Variants in AK6 observed in about 807,000 individuals in gnomAD.
AK6 encodes the protein adenylate kinase isoenzyme 6.
AK6 carries 24 observed loss-of-function variants against 23.7 expected under a neutral mutation model. The observed-to-expected ratio is 1.01, with a 90% confidence interval of 0.73 to 1.43. AK6 has a LOEUF of 1.43. Ranked by LOEUF, AK6 falls within the 40% of genes most tolerant of loss-of-function variation. The pLI is 0.00. For missense variants in AK6, 191 were observed against 199.1 expected (o/e 0.96, Z 0.24); for synonymous variants, 73 against 69.8 (o/e 1.05, Z -0.23).
At chr5:69,365,275 T>C in intron 2 of AK6, 1 of 1,614,210 alleles carries the variant, frequency 6.2e-7, no homozygotes, top group Non-Finnish European at 8.5e-7. Context: ...CTTGGTCTGC[T>C]AGTAACTGAA....
Position 69,366,589 on chromosome 5 carries a change from G to A in AK6, c.35C>T (p.Pro12Leu). The change falls in exon 2 of 5, where the codon CCA (proline) becomes CTA (leucine). Residue 12 changes from proline (P) to leucine (L), a missense_variant. Transcript: ENST00000380822. ...GCCTAGTGTGGTTTTTCCAACCCCTGGTGTACCTGTAAGACAAGCCACAGA... is the reference window on the plus strand; with the variant it reads ...GCCTAGTGTGGTTTTTCCAACCCCTAGTGTACCTGTAAGACAAGCCACAGA... ...LLPNILLTGT[P>L]GVGKTTLGKE... 6.2e-7 allele frequency: 1 copy of A among 1,612,560 alleles called. No homozygotes were observed. Among genetic ancestry groups the A allele is most frequent in the Non-Finnish European group, 8.5e-7 (1 of 1,178,800 alleles).
At chr5:69,369,414 G>C (rs559196957) in intron 1 of AK6, 49 bp downstream of exon 1, 2 of 1,599,032 alleles carry the variant, frequency 1.3e-6, no homozygotes, top group African/African-American at 1.4e-5. Flanking sequence ...AGAGCACTCT[G>C]CGCCCCCAGC....
rs558277243 is a variant in AK6, at chr5:69,357,182, G to A, written c.122-1229C>T. On this transcript the variant is annotated intron_variant, in intron 2 of 4. Transcript: ENST00000380822. ...GGGGGCAGTCTGATGGACACTGGAG[G>A]GCACAAAAGCAGTTGTAACTCCTTG... 2.6e-5 allele frequency among the ~76,000 whole-genome samples: 4 copies of A among 152,280 alleles called. No homozygotes were observed. In the South Asian group the frequency reaches 6.2e-4, roughly 24 times the overall value.
chr5:69,357,431 C>G (rs1193319487), intron 2 of AK6, among the ~76,000 whole-genome samples: 1 of 152,192 alleles, frequency 6.6e-6, no homozygotes, highest in Non-Finnish European at 1.5e-5. Flanking sequence ...AGGAATGATT[C>G]ATTTGAGTTT....
chr5:69,353,158 G>A (rs769987601), intron 4 of AK6, among the ~76,000 whole-genome samples: 4 of 152,072 alleles, frequency 2.6e-5, no homozygotes, highest in South Asian at 4.1e-4. Flanking sequence ...TCCACATCCT[G>A]TATGATTTCA....
chr5:69,359,555 T>A (rs892163875), intron 2 of AK6, among the ~76,000 whole-genome samples: 2 of 152,170 alleles, frequency 1.3e-5, no homozygotes, highest in African/African-American at 4.8e-5. Flanking sequence ...CCACAAAATT[T>A]TTTAAAGCTC....
intron 2 of AK6, among the ~76,000 whole-genome samples, chr5:69,361,282 C>T (rs1285329799): frequency 6.6e-6 from 1 of 151,948 alleles, no homozygotes; most frequent in Non-Finnish European, 1.5e-5. Context: ...CCACCACGCC[C>T]GGCTAATTTT....
Position 69,357,228 on chromosome 5 carries a change from G to C in AK6, c.122-1275C>G, listed in dbSNP as rs78144932. Among the ~76,000 whole-genome samples, 780 of 152,306 alleles carry C rather than the reference G, an allele frequency of 5.1e-3. 11 individuals carry two copies. The highest frequency in any genetic ancestry group is 0.025 in the East Asian group (129 of 5,180). On this transcript the variant is annotated intron_variant, in intron 2 of 4. Transcript: ENST00000380822. ...CCTTGTCTTGCCTGGAGGGTCTGTG[G>C]ACTGATTCTAGGCACATAAACCACC...
intron 2 of AK6, chr5:69,365,729 A>G (rs1762391876): frequency 6.5e-7 from 1 of 1,547,700 alleles, no homozygotes; most frequent in Non-Finnish European, 8.7e-7. Context: ...CCGTCTTGCC[A>G]GACTCCATGA....
At chr5:69,358,444 C>CT (rs1202896216) in intron 2 of AK6, among the ~76,000 whole-genome samples, 15 of 150,042 alleles carry the variant, frequency 1.0e-4, no homozygotes, top group Admixed American at 8.7e-4. Flanking sequence ...TCGCTTGAAC[C>CT]CGGGAGGAGG....
chr5:69,368,341 C>T (rs1738828513), intron 1 of AK6, among the ~76,000 whole-genome samples: 1 of 152,108 alleles, frequency 6.6e-6, no homozygotes, highest in African/African-American at 2.4e-5. Context: ...TAAACTTAAG[C>T]ATAAAGATAA....
At chr5:69,359,078 C>G (rs890993502) in intron 2 of AK6, among the ~76,000 whole-genome samples, 1 of 148,182 alleles carries the variant, frequency 6.7e-6, no homozygotes, top group Middle Eastern at 3.5e-3. Flanking sequence ...CCACCACTAC[C>G]AAAAGAAAAA....
At position 69,369,459 on chromosome 5, in the gene AK6, T is replaced by C. The variant is rs756539824; in HGVS notation, c.28+4A>G. ...CCCAGTCCCTCCCGGCCGCGCGCCCTGACCGGTGAGCAGGATGTTCGGAAG... is the reference window on the plus strand; with the variant it reads ...CCCAGTCCCTCCCGGCCGCGCGCCCCGACCGGTGAGCAGGATGTTCGGAAG... On this transcript the variant is annotated splice_donor_region_variant and intron_variant, in intron 1 of 4. Transcript: ENST00000380822. 1.7e-5 allele frequency: 27 copies of C among 1,610,080 alleles called. No homozygotes were observed. In the African/African-American group the frequency reaches 2.8e-4, roughly 17 times the overall value.
At chr5:69,358,431 G>C (rs1400751717) in intron 2 of AK6, among the ~76,000 whole-genome samples, 1 of 143,330 alleles carries the variant, frequency 7.0e-6, no homozygotes, top group African/African-American at 2.6e-5. Context: ...TGAGGCAGGA[G>C]AATCGCTTGA....
chr5:69,369,501 G>A lies in AK6; in HGVS notation c.-11C>T, dbSNP rs1444832656. The A allele has an allele frequency of 3.7e-5, 59 of 1,611,212 alleles. No individual in the cohort carries two copies. Among genetic ancestry groups the A allele is most frequent in the Non-Finnish European group, 4.7e-5 (55 of 1,179,262 alleles). On this transcript the variant is annotated 5_prime_UTR_variant, in exon 1 of 5. Transcript: ENST00000380822. ...GTTCGGAAGCAACATGGTCCCCGCC[G>A]CGACGGCTTCGGGCGCCTCGCTCAC...
At chr5:69,369,588 C>G (rs1762778466), upstream of AK6, 1 of 1,599,828 alleles carries the variant, frequency 6.3e-7, no homozygotes, top group Non-Finnish European at 8.5e-7. Context: ...CCCACGGCCC[C>G]AAAGGCCCCG....
chr5:69,365,830 TA>T (rs1240027036), intron 2 of AK6: 4 of 1,115,356 alleles, frequency 3.6e-6, no homozygotes, highest in Non-Finnish European at 4.9e-6. Context: ...GTCAGGAACT[TA>T]AAAAAATTTT....
chr5:69,363,585 C>T (rs1049144012), intron 2 of AK6, among the ~76,000 whole-genome samples: 3 of 151,658 alleles, frequency 2.0e-5, no homozygotes, highest in Admixed American at 6.6e-5. Context: ...GAGATCGAGA[C>T]CAACCTGGTT....
At chr5:69,368,747 T>G (rs755530924) in intron 1 of AK6, 1 of 152,210 alleles carries the variant, frequency 6.6e-6, no homozygotes, top group African/African-American at 2.4e-5. Context: ...ATAAACACTT[T>G]CAGGACTAAA....
Sources: allele counts gnomAD v4.1 joint callset (sites outside exome capture counted in the v4.1 genomes callset), GRCh38; gene constraint gnomAD v4.1.1; transcripts MANE v1.5; gene names NCBI Gene and HGNC (gene_info 2026-07-23, HGNC 2026-07-21).